The following FSD1L variants were observed in gnomAD, a reference collection of about 807,000 sequenced individuals.
FSD1L encodes the protein fibronectin type III and SPRY domain containing 1 like, also known as FSD1-like protein.
In FSD1L, 45 loss-of-function variants were observed where a neutral mutation model predicts 71.6. The ratio of observed to expected loss-of-function variants is 0.63; its 90% CI spans 0.49 to 0.81. The LOEUF is 0.81. FSD1L is among the 30% of genes least tolerant of loss of function. The probability of loss-of-function intolerance (pLI) is 0.00; values close to 1 mark genes in which losing one functional copy is unlikely to be tolerated. For missense variants in FSD1L, 561 were observed against 618.1 expected, an observed-to-expected ratio of 0.91 and a Z score of 0.98; for synonymous variants, 197 against 207.2, an observed-to-expected ratio of 0.95 and a Z score of 0.42.
In FSD1L at chr9:105,548,621, G is replaced by A. The variant is rs1421890517; in HGVS notation, c.*2138G>A. The stretch of plus-strand genomic sequence containing the variant: ...CTGGAGGAGTATACATGATTCTTGT[G>A]TTCATGTTGTCATTTGAAACTCTTC... On this transcript the variant is annotated 3_prime_UTR_variant, in exon 14 of 14. Coordinates refer to ENST00000481272, the MANE Select transcript of FSD1L (RefSeq NM_001145313.3). 6.6e-6 allele frequency: 1 copy of A among 152,060 alleles called. No homozygotes were observed. Among genetic ancestry groups the A allele is most frequent in the Non-Finnish European group, 1.5e-5 (1 of 67,874 alleles). The allele number at this position is 152,060 out of a possible 1,614,324, so 9.4% of individuals were successfully genotyped here.
At position 105,550,563 on chromosome 9, in the gene FSD1L, T is replaced by C. The variant is rs1837223332; in HGVS notation, c.*4080T>C. 6.6e-6 allele frequency: 1 copy of C among 152,098 alleles called. No homozygotes were observed. The highest frequency in any genetic ancestry group is 2.4e-5 in the African/African-American group (1 of 41,454). 9.4% of individuals were successfully genotyped at this position (152,098 alleles called of 1,614,324 possible). A position where few individuals can be genotyped will look rare whatever the true frequency, so the allele number is the denominator to read the frequency against. ...TTACAGTATGCATGTTCTGAAATTA[T>C]TTGTGATCCTGATATGTCACATATA... is the stretch of plus-strand genomic sequence containing the variant. On this transcript the variant is annotated 3_prime_UTR_variant, in exon 14 of 14. Transcript: ENST00000481272.
chr9:105,540,331 C>T (rs567104498), intron 13 of FSD1L, among the ~76,000 whole-genome samples: 21 of 152,062 alleles, frequency 1.4e-4, no homozygotes, highest in African/African-American at 4.6e-4. Flanking sequence ...AGGTTGTCTT[C>T]GTGTTTCTTA....
chr9:105,460,805 C>A (rs941505723), intron 1 of FSD1L, among the ~76,000 whole-genome samples: 1 of 152,154 alleles, frequency 6.6e-6, no homozygotes, highest in African/African-American at 2.4e-5. Context: ...GAAGTCTTCT[C>A]TAACCCAAAA....
At chr9:105,491,643 G>A (rs1389466537) in intron 7 of FSD1L, among the ~76,000 whole-genome samples, 2 of 151,934 alleles carry the variant, frequency 1.3e-5, no homozygotes, top group Non-Finnish European at 2.9e-5. Context: ...GTTTGTCATA[G>A]ATAGCTCTTA....
intron 13 of FSD1L, among the ~76,000 whole-genome samples, chr9:105,540,922 T>C (rs1021221801): frequency 2.0e-5 from 3 of 152,136 alleles, no homozygotes; most frequent in Middle Eastern, 3.2e-3. Flanking sequence ...TGGGGAGTTG[T>C]GGGATCCAGT....
intron 10 of FSD1L, among the ~76,000 whole-genome samples, chr9:105,519,238 G>C (rs142945200): frequency 6.6e-6 from 1 of 152,042 alleles, no homozygotes; most frequent in South Asian, 2.1e-4. Flanking sequence ...AAGAGGAGCT[G>C]GTGTCATTCC....
intron 10 of FSD1L, among the ~76,000 whole-genome samples, chr9:105,526,526 T>A (rs1427831413): frequency 6.6e-6 from 1 of 152,078 alleles, no homozygotes; most frequent in East Asian, 1.9e-4. Flanking sequence ...AGCCAATAAA[T>A]CCTAAGGAGA....
intron 1 of FSD1L, 83 bp downstream of exon 1, chr9:105,448,318 TG>T: frequency 8.5e-7 from 1 of 1,179,020 alleles, no homozygotes; most frequent in Non-Finnish European, 1.1e-6. Context: ...CCGTGGGCTG[TG>T]GGTGCGCGGG....
upstream of FSD1L, among the ~76,000 whole-genome samples, chr9:105,442,831 T>A (rs1282579263): frequency 1.3e-5 from 2 of 152,220 alleles, no homozygotes; most frequent in African/African-American, 4.8e-5. Flanking sequence ...CTATTCCAGC[T>A]CTCTATGGCT....
At chr9:105,509,997 T>G (rs1178977821) in intron 9 of FSD1L, among the ~76,000 whole-genome samples, 1 of 152,212 alleles carries the variant, frequency 6.6e-6, no homozygotes, top group Non-Finnish European at 1.5e-5. Flanking sequence ...TTTCTTTTGT[T>G]TCTTTTCATT....
At chr9:105,537,175 T>C (rs1280208439) in intron 12 of FSD1L, among the ~76,000 whole-genome samples, 1 of 152,210 alleles carries the variant, frequency 6.6e-6, no homozygotes, top group Non-Finnish European at 1.5e-5. Flanking sequence ...TGACATAATA[T>C]TGAACTAAAG....
At chr9:105,474,313 A>G (rs1831658375) in intron 5 of FSD1L, among the ~76,000 whole-genome samples, 1 of 152,188 alleles carries the variant, frequency 6.6e-6, no homozygotes, top group Non-Finnish European at 1.5e-5. Context: ...TGGGAGCACC[A>G]TTGTATATGC....
chr9:105,487,448 A>G (rs1258675290), intron 7 of FSD1L, among the ~76,000 whole-genome samples: 1 of 151,586 alleles, frequency 6.6e-6, no homozygotes, highest in Non-Finnish European at 1.5e-5. Context: ...CTATTCTAAT[A>G]GGTGACAAAT....
chr9:105,470,528 CTTTT>C (rs1454980613), intron 4 of FSD1L, among the ~76,000 whole-genome samples: 1 of 151,544 alleles, frequency 6.6e-6, no homozygotes, highest in Non-Finnish European at 1.5e-5. Context: ...TGGATTTTTT[CTTTT>C]TTTTCCTTCT....
intron 5 of FSD1L, among the ~76,000 whole-genome samples, chr9:105,477,206 A>G (rs952633665): frequency 2.0e-5 from 3 of 152,234 alleles, no homozygotes; most frequent in Non-Finnish European, 4.4e-5. Context: ...AATCGTCTTC[A>G]TATCATTGGG....
chr9:105,540,845 T>C (rs1176120360), intron 13 of FSD1L, among the ~76,000 whole-genome samples: 1 of 152,170 alleles, frequency 6.6e-6, no homozygotes, highest in Non-Finnish European at 1.5e-5. Flanking sequence ...TTTGAATTTA[T>C]TTAAGCAAAT....
intron 10 of FSD1L, among the ~76,000 whole-genome samples, chr9:105,532,940 G>A (rs1489923599): frequency 6.6e-6 from 1 of 152,134 alleles, no homozygotes; most frequent in East Asian, 1.9e-4. Flanking sequence ...TGAAGTCACT[G>A]AGTCATATGA....
At chr9:105,534,766 G>A (rs1836154645) in intron 11 of FSD1L, among the ~76,000 whole-genome samples, 173 bp downstream of exon 11, 1 of 152,016 alleles carries the variant, frequency 6.6e-6, no homozygotes, top group African/African-American at 2.4e-5. Context: ...TATTATTATT[G>A]ATACTTTTAA....
intron 1 of FSD1L, among the ~76,000 whole-genome samples, chr9:105,448,726 C>T (rs1206969919): frequency 2.0e-5 from 3 of 152,092 alleles, no homozygotes; most frequent in African/African-American, 7.2e-5. Flanking sequence ...CTCCTTTGTA[C>T]CGCCCACCGC....
Sources: gnomAD v4.1 joint callset for allele counts (sites outside exome capture counted in the v4.1 genomes callset) on GRCh38, gnomAD v4.1.1 for gene constraint, MANE v1.5 for transcripts, NCBI Gene and HGNC (gene_info 2026-07-23, HGNC 2026-07-21) for gene names.